The following OR51B5 variants were observed in gnomAD, a reference collection of about 807,000 sequenced individuals.
OR51B5 encodes the protein olfactory receptor 51B5.
For missense variants in OR51B5, 456 were observed against 374.6 expected, an observed-to-expected ratio of 1.22 and a Z score of -1.79; for synonymous variants, 186 against 144.8, an observed-to-expected ratio of 1.28 and a Z score of -2.04.
chr11:5,477,917 C>T (rs1466000405), intron 1 of OR51B5, among the ~76,000 whole-genome samples: 9 of 151,796 alleles, frequency 5.9e-5, no homozygotes, highest in Non-Finnish European at 1.3e-4. Flanking sequence ...AACTGCAAGG[C>T]AGCAGGGAGG....
intron 1 of OR51B5, among the ~76,000 whole-genome samples, chr11:5,418,208 G>A (rs1476795475): frequency 1.3e-5 from 2 of 151,890 alleles, no homozygotes; most frequent in East Asian, 2.0e-4. Context: ...TAAACAATGA[G>A]AACACATGGA....
upstream of OR51B5, among the ~76,000 whole-genome samples, chr11:5,344,556 GTCCTTTGAGAAGGTTTTAATAT>G (rs1403705461): frequency 4.9e-4 from 38 of 77,322 alleles, no homozygotes; most frequent in Non-Finnish European, 1.4e-3. Context: ...GAAGAGATTA[GTCCTTTGAGAAGGTTTTAATAT>G]TCCTTCTGCC....
rs1019644937 is a variant in OR51B5, at chr11:5,445,263, A to G, written n.84+60306T>C. 2.8e-4 allele frequency among the ~76,000 whole-genome samples: 43 copies of G among 152,200 alleles called. 1 individual carries two copies. The highest frequency in any genetic ancestry group is 2.1e-3 in the Admixed American group (32 of 15,284). The stretch of plus-strand genomic sequence containing the variant: ...TTTCCCTGCTTAAATAGCTAAAAAT[A>G]TATATTGCAGATACATATTCACATT... On this transcript the variant is annotated intron_variant and non_coding_transcript_variant, in intron 1 of 4. Transcript: ENST00000415970.
At chr11:5,372,890 T>G (rs149273919) in intron 1 of OR51B5, among the ~76,000 whole-genome samples, 1 of 152,194 alleles carries the variant, frequency 6.6e-6, no homozygotes, top group Admixed American at 6.5e-5. Context: ...AAAAACCAAC[T>G]TGATGGCAGC....
chr11:5,458,574 C>T (rs181578206), intron 1 of OR51B5, among the ~76,000 whole-genome samples: 3 of 152,246 alleles, frequency 2.0e-5, no homozygotes, highest in Admixed American at 1.3e-4. Flanking sequence ...AAAATTGATT[C>T]TTCCTATCCA....
At chr11:5,377,632 T>C (rs1216470657) in intron 1 of OR51B5, among the ~76,000 whole-genome samples, 1 of 152,112 alleles carries the variant, frequency 6.6e-6, no homozygotes, top group African/African-American at 2.4e-5. Flanking sequence ...ACAAAACCAA[T>C]GTGCAAAAAT....
At chr11:5,345,686 G>C (rs1179799643), upstream of OR51B5, 2 of 151,996 alleles carry the variant, frequency 1.3e-5, no homozygotes, top group African/African-American at 4.8e-5. Context: ...TAAAAAGATG[G>C]TCGTATCCAA....
intron 1 of OR51B5, among the ~76,000 whole-genome samples, chr11:5,414,329 T>G (rs1442021592): frequency 7.0e-6 from 1 of 142,666 alleles, no homozygotes; most frequent in Non-Finnish European, 1.6e-5. Context: ...TGCAAAATCA[T>G]GCCAAAATGT....
chr11:5,422,952 T>C, intron 1 of OR51B5: 2 of 1,614,156 alleles, frequency 1.2e-6, no homozygotes, highest in Non-Finnish European at 1.7e-6. Flanking sequence ...CTAGCTGTCC[T>C]GGTCCTCTAC....
chr11:5,423,550 C>T (rs1243439767), intron 1 of OR51B5, among the ~76,000 whole-genome samples: 1 of 152,154 alleles, frequency 6.6e-6, no homozygotes, highest in African/African-American at 2.4e-5. Context: ...TCCATTTAGG[C>T]ATTTAGGTAA....
At chr11:5,429,649 A>C (rs535904715) in intron 1 of OR51B5, among the ~76,000 whole-genome samples, 15 of 152,256 alleles carry the variant, frequency 9.9e-5, no homozygotes, top group African/African-American at 3.6e-4. Context: ...GAGGGGACCC[A>C]CTAGACCCAT....
chr11:5,449,862 A>G (rs548121838), intron 1 of OR51B5, among the ~76,000 whole-genome samples: 3 of 152,206 alleles, frequency 2.0e-5, no homozygotes, highest in Non-Finnish European at 4.4e-5. Flanking sequence ...GAAATCAGCT[A>G]AACTGTAGAT....
chr11:5,375,684 T>A (rs1051798444), intron 1 of OR51B5, among the ~76,000 whole-genome samples: 3 of 151,944 alleles, frequency 2.0e-5, no homozygotes. Flanking sequence ...AAACAGGCTT[T>A]AAACCAACAA....
intron 1 of OR51B5, among the ~76,000 whole-genome samples, chr11:5,412,455 A>G (rs540376739): frequency 2.0e-5 from 3 of 152,296 alleles, no homozygotes; most frequent in Admixed American, 2.0e-4. Flanking sequence ...CAGTGGGTGC[A>G]GCGTACTGTG....
intron 1 of OR51B5, chr11:5,351,539 A>T (rs771965067): frequency 6.2e-7 from 1 of 1,613,466 alleles, no homozygotes; most frequent in Non-Finnish European, 8.5e-7. Context: ...TCCACCTTCC[A>T]GCTTACTGGC....
At chr11:5,468,079 A>C (rs1388797599) in intron 1 of OR51B5, among the ~76,000 whole-genome samples, 2 of 152,264 alleles carry the variant, frequency 1.3e-5, no homozygotes, top group Non-Finnish European at 2.9e-5. Flanking sequence ...AAAGATATTC[A>C]GAATGATTAA....
intron 1 of OR51B5, among the ~76,000 whole-genome samples, chr11:5,377,988 A>G (rs2736546): frequency 0.2 from 30,605 of 151,894 alleles, 3,326 homozygotes; most frequent in East Asian, 0.37. Context: ...ACCAAAAAAG[A>G]GCCTGCATTG....
chr11:5,457,130 T>A (rs1850972708), intron 1 of OR51B5, among the ~76,000 whole-genome samples: 1 of 152,200 alleles, frequency 6.6e-6, no homozygotes, highest in Non-Finnish European at 1.5e-5. Context: ...CCCATACTCT[T>A]CCCACAATGC....
chr11:5,350,723 T>G (rs1263196696), intron 1 of OR51B5, among the ~76,000 whole-genome samples: 2 of 152,214 alleles, frequency 1.3e-5, no homozygotes, highest in African/African-American at 4.8e-5. Flanking sequence ...AAATCCACAT[T>G]TTACTGTTTA....
Sources: allele counts gnomAD v4.1 joint callset (sites outside exome capture counted in the v4.1 genomes callset), GRCh38; gene constraint gnomAD v4.1.1; transcripts MANE v1.5; gene names NCBI Gene and HGNC (gene_info 2026-07-23, HGNC 2026-07-21).